The following CHST12 variants were observed in gnomAD, a reference collection of about 807,000 sequenced individuals.
CHST12 encodes the protein carbohydrate sulfotransferase 12.
In CHST12, 23 loss-of-function variants were observed where a neutral mutation model predicts 27.9. The observed-to-expected ratio is 0.82, with a 90% CI of 0.59 to 1.17. The LOEUF (loss-of-function observed/expected upper bound fraction) is 1.17, where lower values mean the gene tolerates loss of function less well. CHST12 is among the 50% of genes most tolerant of loss of function. The pLI is 0.00. For missense variants in CHST12, 682 were observed against 603.0 expected (o/e 1.13, Z -1.37); for synonymous variants, 322 against 273.0 (o/e 1.18, Z -1.77).
rs1300677318 is a variant in CHST12 at position 2,448,045 on chromosome 7, T to C, written c.*14161T>C. 1 of 151,714 alleles carries C rather than the reference T, an allele frequency of 6.6e-6. No homozygotes were observed. The highest frequency in any genetic ancestry group is 1.5e-5 in the Non-Finnish European group (1 of 67,994). 9.4% of individuals were successfully genotyped at this position (151,714 alleles called of 1,614,324 possible). Reference sequence around the variant, plus strand: ...ACCATGCCCGGCTAATTTTTCTCTTTTTAGTAGAGACAGGATTTCGCCATG... The same window carrying C: ...ACCATGCCCGGCTAATTTTTCTCTTCTTAGTAGAGACAGGATTTCGCCATG... On this transcript the variant is annotated 3_prime_UTR_variant, in exon 2 of 2. Coordinates refer to ENST00000618655, the MANE Select transcript of CHST12 (RefSeq NM_018641.5).
intron 1 of CHST12, chr7:2,404,263 T>G (rs1426804003): frequency 6.6e-6 from 1 of 152,046 alleles, no homozygotes. Flanking sequence ...GCCCTGCCCC[T>G]CTGGGAGAGG....
At position 2,437,252 on chromosome 7, in the gene CHST12, G is replaced by A. The variant is rs1782494898; in HGVS notation, c.*3368G>A. On this transcript the variant is annotated 3_prime_UTR_variant, in exon 2 of 2. Transcript: ENST00000618655. ...GTGCGGGGTGGTGTCACAAAGCCCTGTCTCTTGTGTGATGGCTGCGCCTCG... is the reference window on the plus strand; with the variant it reads ...GTGCGGGGTGGTGTCACAAAGCCCTATCTCTTGTGTGATGGCTGCGCCTCG... The A allele has an allele frequency of 6.6e-6, 1 of 152,314 alleles. No homozygotes were observed. Among genetic ancestry groups the A allele is most frequent in the African/African-American group, 2.4e-5 (1 of 41,464 alleles). 9.4% of individuals were successfully genotyped at this position (152,314 alleles called of 1,614,324 possible).
chr7:2,425,050 AC>A (rs1399720302), intron 1 of CHST12, among the ~76,000 whole-genome samples: 6 of 152,068 alleles, frequency 3.9e-5, no homozygotes, highest in African/African-American at 1.2e-4. Context: ...TACTAAAAAT[AC>A]AAAAATTAGC....
intron 1 of CHST12, among the ~76,000 whole-genome samples, chr7:2,431,274 A>C (rs1013597146): frequency 6.6e-6 from 1 of 152,114 alleles, no homozygotes; most frequent in Non-Finnish European, 1.5e-5. Flanking sequence ...CTTCCTTCTG[A>C]AATTTGCTTC....
chr7:2,430,403 C>T (rs966605741), intron 1 of CHST12, among the ~76,000 whole-genome samples: 3 of 152,116 alleles, frequency 2.0e-5, no homozygotes, highest in African/African-American at 7.2e-5. Flanking sequence ...GCAACCTCTG[C>T]CTCCTGGGTT....
Position 2,411,417 on chromosome 7 carries a change from A to G in CHST12, c.-78+7744A>G, listed in dbSNP as rs533567250. 1.7e-4 allele frequency among the ~76,000 whole-genome samples: 26 copies of G among 151,690 alleles called. No homozygotes were observed. The South Asian group carries it at 4.4e-3, about 25-fold the overall frequency. On this transcript the variant is annotated intron_variant, in intron 1 of 1. Transcript: ENST00000618655. ...ATATTTTGCATGTAAAGCCCCAAGC[A>G]GGTTCTTAAACTGATCATAGTGAGA...
chr7:2,444,033 C>A lies in CHST12; in HGVS notation c.*10149C>A, dbSNP rs1271164899. ...GGCGCGGTGGCTCACGCCTGTAATC[C>A]CAGCACTTTGGGAGGCCGAGGCGGG... On this transcript the variant is annotated 3_prime_UTR_variant, in exon 2 of 2. Transcript: ENST00000618655. 1 of 151,806 alleles carries A rather than the reference C, an allele frequency of 6.6e-6. No individual in the cohort carries two copies. Among genetic ancestry groups the A allele is most frequent in the Non-Finnish European group, 1.5e-5 (1 of 67,980 alleles). The allele number at this position is 151,806 out of a possible 1,614,324, so 9.4% of individuals were successfully genotyped here. A position where few individuals can be genotyped will look rare whatever the true frequency, so the allele number is the denominator to read the frequency against.
intron 1 of CHST12, among the ~76,000 whole-genome samples, chr7:2,416,215 G>T (rs895716828): frequency 4.6e-5 from 7 of 152,116 alleles, no homozygotes; most frequent in African/African-American, 1.7e-4. Context: ...GTTCAGCTTT[G>T]AACATGAGAT....
rs1782443424 is a variant in CHST12, at chr7:2,435,220, T to G, written c.*1336T>G. The stretch of plus-strand genomic sequence containing the variant: ...AGCAAAGTGAGACTCTGTTTCTAAA[T>G]AGACAGATAGAAGATAGGTAGATAG... On this transcript the variant is annotated 3_prime_UTR_variant, in exon 2 of 2. Coordinates refer to ENST00000618655, the MANE Select transcript of CHST12 (RefSeq NM_018641.5). 1.3e-5 allele frequency: 2 copies of G among 152,198 alleles called. No individual in the cohort carries two copies. Among genetic ancestry groups the G allele is most frequent in the Admixed American group, 1.3e-4 (2 of 15,266 alleles). The allele number at this position is 152,198 out of a possible 1,614,324, so 9.4% of individuals were successfully genotyped here.
Position 2,433,740 on chromosome 7 carries a change from C to T in CHST12, c.1101C>T (p.Ser367=). 3 of 1,613,824 alleles carry T rather than the reference C, an allele frequency of 1.9e-6. No individual in the cohort carries two copies. Among genetic ancestry groups the T allele is most frequent in the Non-Finnish European group, 2.5e-6 (3 of 1,179,998 alleles). ...ACCGGCAGCTCCGCTTCCCCCCGAGCTACCGGAACAGGACCGCCAGCAGCT... is the reference window on the plus strand; with the variant it reads ...ACCGGCAGCTCCGCTTCCCCCCGAGTTACCGGAACAGGACCGCCAGCAGCT... ...QVDRQLRFPP[S]YRNRTASSWE... is the part of the protein sequence containing the mutation. Residue 367 remains serine, a synonymous_variant, in exon 2 of 2, where the codon AGC becomes AGT. Coordinates refer to ENST00000618655, the MANE Select transcript of CHST12 (RefSeq NM_018641.5). This position sits in a 1 kb window ranked among gnomAD's most constrained non-coding sequence, Gnocchi z 6.1.
intron 1 of CHST12, among the ~76,000 whole-genome samples, chr7:2,404,461 C>T (rs1781468672): frequency 6.6e-6 from 1 of 152,198 alleles, no homozygotes; most frequent in Non-Finnish European, 1.5e-5. Flanking sequence ...GACTCGGAAG[C>T]CCCGGGGTGA....
At chr7:2,419,548 A>G (rs1781909260) in intron 1 of CHST12, among the ~76,000 whole-genome samples, 1 of 151,996 alleles carries the variant, frequency 6.6e-6, no homozygotes, top group Admixed American at 6.6e-5. Context: ...CTCTACTAAA[A>G]ATACAAAAAT....
intron 1 of CHST12, among the ~76,000 whole-genome samples, chr7:2,432,317 T>C (rs964475156): frequency 1.3e-5 from 2 of 151,998 alleles, no homozygotes; most frequent in Non-Finnish European, 1.5e-5. Flanking sequence ...TCAGCACATG[T>C]GGAGTACTGC....
intron 1 of CHST12, among the ~76,000 whole-genome samples, chr7:2,419,496 C>T (rs1036271173): frequency 1.3e-5 from 2 of 151,360 alleles, no homozygotes; most frequent in South Asian, 2.1e-4. Flanking sequence ...TCCCTGAGGT[C>T]AGGAGTCCGA....
At position 2,433,755 on chromosome 7, in the gene CHST12, C is replaced by T. The variant is rs773180842; in HGVS notation, c.1116C>T (p.Thr372=). The T allele has an allele frequency of 1.8e-5, 29 of 1,613,882 alleles. No individual in the cohort carries two copies. Among genetic ancestry groups the T allele is most frequent in the Non-Finnish European group, 2.4e-5 (28 of 1,180,038 alleles). Residue 372 remains threonine (T), a synonymous_variant, in exon 2 of 2, where the codon ACC becomes ACT. Transcript: ENST00000618655. The surrounding 1 kb of genome is among the most constrained non-coding windows in gnomAD (Gnocchi z 6.1). ...LRFPPSYRNR[T]ASSWEEDWFA... ...TCCCCCCGAGCTACCGGAACAGGACCGCCAGCAGCTGGGAGGAGGACTGGT... is the reference window on the plus strand; with the variant it reads ...TCCCCCCGAGCTACCGGAACAGGACTGCCAGCAGCTGGGAGGAGGACTGGT...
At chr7:2,417,164 A>G (rs10227362) in intron 1 of CHST12, among the ~76,000 whole-genome samples, 127,936 of 151,934 alleles carry the variant, frequency 0.84, 54,206 homozygotes, top group East Asian at 0.94. Flanking sequence ...GAGTCCAAAG[A>G]CGAAGACCAA....
At position 2,407,942 on chromosome 7, in the gene CHST12, A is replaced by G. The variant is rs527329477; in HGVS notation, c.-78+4269A>G. ...GACTCCGTCTCAAAAATAAAATTTA[A>G]AAAATTAAAAGTCTGGGCAGCAAAC... On this transcript the variant is annotated intron_variant, in intron 1 of 1. Transcript: ENST00000618655. 7.0e-4 allele frequency among the ~76,000 whole-genome samples: 106 copies of G among 152,178 alleles called. 3 individuals carry two copies. The highest frequency in any genetic ancestry group is 3.4e-3 in the Admixed American group (52 of 15,272).
At chr7:2,421,286 C>T (rs189493544) in intron 1 of CHST12, among the ~76,000 whole-genome samples, 2 of 145,878 alleles carry the variant, frequency 1.4e-5, no homozygotes, top group African/African-American at 5.1e-5. Context: ...TGGTATGTTG[C>T]CCAGGCTGGG....
chr7:2,429,657 C>T lies in CHST12; in HGVS notation c.-77-2906C>T, dbSNP rs4721707. On this transcript the variant is annotated intron_variant, in intron 1 of 1. Transcript: ENST00000618655. ...TCATCTAGGTTGCTAAATTTGTGGGCGTAAAATTGTTTGTAATAGTTCCTT... is the reference window on the plus strand; with the variant it reads ...TCATCTAGGTTGCTAAATTTGTGGGTGTAAAATTGTTTGTAATAGTTCCTT... 4.1e-3 allele frequency among the ~76,000 whole-genome samples: 621 copies of T among 152,150 alleles called. 3 individuals carry two copies. The highest frequency in any genetic ancestry group is 8.6e-3 in the Admixed American group (132 of 15,286).
Sources: allele counts gnomAD v4.1 joint callset (sites outside exome capture counted in the v4.1 genomes callset), GRCh38; gene constraint gnomAD v4.1.1; non-coding constraint Gnocchi (gnomAD v3.1); transcripts MANE v1.5; gene names NCBI Gene and HGNC (gene_info 2026-07-23, HGNC 2026-07-21).